TMEM63A: variants seen among roughly 807,000 people sequenced by gnomAD.
TMEM63A encodes mechanosensitive cation channel TMEM63A.
In TMEM63A, 76 loss-of-function variants were observed where a neutral mutation model predicts 100.6. The observed-to-expected ratio is 0.76, with a 90% confidence interval of 0.63 to 0.91. TMEM63A has a LOEUF of 0.91. Ranked by LOEUF, TMEM63A falls within the 40% of genes least tolerant of loss-of-function variation. The pLI, the probability that TMEM63A is intolerant of heterozygous loss-of-function variation, is 0.00. For synonymous variants in TMEM63A, 401 were observed against 401.1 expected, an observed-to-expected ratio of 1.00 and a Z score of 0.00; for missense variants, 876 against 1,008.8, an observed-to-expected ratio of 0.87 and a Z score of 1.78.
In TMEM63A at chr1:225,862,355, C is replaced by A. The variant is rs1357894159; in HGVS notation, c.952-4G>T. On this transcript the variant is annotated splice_region_variant and splice_polypyrimidine_tract_variant and intron_variant, in intron 12 of 24. Coordinates refer to ENST00000366835, the MANE Select transcript of TMEM63A (RefSeq NM_014698.3). This position sits in a 1 kb window ranked among gnomAD's most constrained non-coding sequence, Gnocchi z 5.1. The stretch of plus-strand genomic sequence containing the variant: ...TGTAGTAAGAGATGGCGTCTTCCTG[C>A]CACAAGACACATCCCATTGGGATGA... 1 of 1,614,092 alleles carries A rather than the reference C, an allele frequency of 6.2e-7. No individual in the cohort carries two copies. Among genetic ancestry groups the A allele is most frequent in the Non-Finnish European group, 8.5e-7 (1 of 1,180,046 alleles).
chr1:225,869,592 A>C (rs1391279072), intron 6 of TMEM63A, among the ~76,000 whole-genome samples: 1 of 151,824 alleles, frequency 6.6e-6, no homozygotes, highest in Admixed American at 6.6e-5. Context: ...TCATCCTTAT[A>C]ACCACCATAT....
chr1:225,862,548 G>A lies in TMEM63A; in HGVS notation c.858C>T (p.Tyr286=), dbSNP rs1576091765. The A allele has an allele frequency of 6.2e-7, 1 of 1,614,068 alleles. No homozygotes were observed. Among genetic ancestry groups the A allele is most frequent in the African/African-American group, 1.3e-5 (1 of 75,044 alleles). ...KKKTEKSLTY[Y]TNLQVKTGQR... ...GGCCTGTCTTCACCTGCAGGTTTGT[G>A]TAATAGGTCAGGCTCTTCTCAGTCT... The change falls in exon 12 of 25, where the codon TAC becomes TAT. Residue 286 remains tyrosine, a synonymous_variant. Transcript: ENST00000366835. The surrounding 1 kb of genome is among the most constrained non-coding windows in gnomAD (Gnocchi z 5.1).
Position 225,847,156 on chromosome 1 carries a change from G to T in TMEM63A, c.2308C>A (p.Gln770Lys). ...CCATAGGTCTGCTGCTGCTGCTGCT[G>T]CGGAGACAGTGCTGTCCTCTCCGAG... is the stretch of plus-strand genomic sequence containing the variant. ...LASERTALSP[Q>K]QQQQQTYGAI... The change falls in exon 24 of 25, where the codon CAG becomes AAG. Residue 770 changes from glutamine to lysine, a missense_variant. Gln to Lys is a moderately conservative substitution (Grantham distance 53). Around this residue, in one of 5 missense-constraint regions of TMEM63A, gnomAD observed 339 missense variants for 342.3 expected, o/e 0.99. Transcript: ENST00000366835. 1 of 1,613,466 alleles carries T rather than the reference G, an allele frequency of 6.2e-7. No homozygotes were observed. Among genetic ancestry groups the T allele is most frequent in the Non-Finnish European group, 8.5e-7 (1 of 1,180,016 alleles).
chr1:225,847,086 G>A lies in TMEM63A; in HGVS notation c.2378C>T (p.Ala793Val), dbSNP rs145042946. 3.2e-5 allele frequency: 51 copies of A among 1,613,578 alleles called. No individual in the cohort carries two copies. Among genetic ancestry groups the A allele is most frequent in the African/African-American group, 2.5e-4 (19 of 74,952 alleles). The change falls in exon 24 of 25, where the codon GCG becomes GTG. Residue 793 changes from alanine (A) to valine (V), a missense_variant. Physicochemically the swap from Ala to Val is moderately conservative, Grantham distance 64 (BLOSUM62 0). Transcript: ENST00000366835. The part of the protein sequence containing the change: ...ISGTIPGQCL[A>V]QSATGSVAAA... The stretch of plus-strand genomic sequence containing the variant: ...AGCCACACTGCCCGTGGCGCTCTGC[G>A]CCAAGCACTGTCCAGGGATAGTCCC...
At chr1:225,872,093 A>AT in intron 4 of TMEM63A, 40 bp from the exon 5 acceptor site, 2 of 1,440,070 alleles carry the variant, frequency 1.4e-6, no homozygotes, top group Non-Finnish European at 1.9e-6. Context: ...GATAATTCTT[A>AT]GAAAAAAAAA....
downstream of TMEM63A, chr1:225,844,726 C>T (rs1365236146): frequency 6.5e-7 from 1 of 1,542,668 alleles, no homozygotes; most frequent in Non-Finnish European, 8.7e-7. Context: ...ATAAGTATAG[C>T]CTTGCCTGCA....
rs1325743825 is a variant in TMEM63A at position 225,871,724 on chromosome 1, A to AT, written c.333+262dup. 1.1e-5 allele frequency: 5 copies of AT among 452,948 alleles called. No individual in the cohort carries two copies. In the East Asian group the frequency reaches 1.4e-4, roughly 13 times the overall value. The allele number at this position is 452,948 out of a possible 1,614,324, so 28.1% of individuals were successfully genotyped here. ...CCATAATTAACTGTCATACAAAGCC[A>AT]TAGGTGTAAGAGAGAGAAGTGCTGG... On this transcript the variant is annotated intron_variant, in intron 5 of 24. Transcript: ENST00000366835.
chr1:225,874,427 A>G (rs1670673865), intron 3 of TMEM63A, 60 bp from the exon 4 acceptor site: 2 of 1,492,584 alleles, frequency 1.3e-6, no homozygotes, highest in Non-Finnish European at 1.8e-6. Context: ...TAGAAGACAC[A>G]GCGGTCTCAG....
At position 225,845,668 on chromosome 1, in the gene TMEM63A, G is replaced by A; in HGVS notation, c.*1271C>T. On this transcript the variant is annotated 3_prime_UTR_variant, in exon 25 of 25. Coordinates refer to ENST00000366835, the MANE Select transcript of TMEM63A (RefSeq NM_014698.3). Reference sequence around the variant, plus strand: ...TTGCTGGCAGAGGCACGGGAGGCCTGCTGGGGATGAGGCCACTGGCCAGGG... The same window carrying A: ...TTGCTGGCAGAGGCACGGGAGGCCTACTGGGGATGAGGCCACTGGCCAGGG... The A allele has an allele frequency of 1.1e-5, 5 of 462,418 alleles. No homozygotes were observed. Among genetic ancestry groups the A allele is most frequent in the South Asian group, 6.3e-5 (3 of 47,408 alleles). The allele number at this position is 462,418 out of a possible 1,614,324, so 28.6% of individuals were successfully genotyped here.
intron 3 of TMEM63A, among the ~76,000 whole-genome samples, chr1:225,875,747 AC>A (rs1670763266): frequency 8.3e-5 from 10 of 120,734 alleles, no homozygotes; most frequent in Admixed American, 4.1e-4. Flanking sequence ...CCCCTCCCCC[AC>A]CCCCAAAACT....
Position 225,872,044 on chromosome 1 carries a change from T to C in TMEM63A, c.276A>G (p.Arg92=), listed in dbSNP as rs1474457550. 6.2e-7 allele frequency: 1 copy of C among 1,611,012 alleles called. No homozygotes were observed. The highest frequency in any genetic ancestry group is 1.3e-5 in the African/African-American group (1 of 74,374). ...ALVSEADSES[R]FQRLSSTSSS... is the part of the protein sequence containing the mutation. ...AGGAAGTCGATGACAATCTCTGAAA[T>C]CTGGACTCGCTAGAGACACAAAAAG... is the stretch of plus-strand genomic sequence containing the variant. Residue 92 remains arginine, a synonymous_variant, in exon 5 of 25, where the codon AGA becomes AGG. Coordinates refer to ENST00000366835, the MANE Select transcript of TMEM63A (RefSeq NM_014698.3).
rs966377922 is a variant in TMEM63A at position 225,857,129 on chromosome 1, C to T, written c.1378-112G>A. On this transcript the variant is annotated intron_variant, in intron 15 of 24. Transcript: ENST00000366835. ...GTGGACTCCCAGGGTAGGAGTTTGT[C>T]ATCTCTGACCCCAGAACCAAAACTG... The T allele has an allele frequency of 3.4e-6, 3 of 895,002 alleles. No homozygotes were observed. In the African/African-American group the frequency reaches 5.3e-5, roughly 16 times the overall value. 55.4% of individuals were successfully genotyped at this position (895,002 alleles called of 1,614,324 possible). A position where few individuals can be genotyped will look rare whatever the true frequency, so the allele number is the denominator to read the frequency against.
intron 14 of TMEM63A, chr1:225,860,272 C>A (rs1669873305): frequency 6.6e-6 from 1 of 152,556 alleles, no homozygotes; most frequent in African/African-American, 2.4e-5. Flanking sequence ...TGCCCTTACC[C>A]TCAGCACAGC....
In TMEM63A at chr1:225,856,858, C is replaced by A. The variant is rs1240701760; in HGVS notation, c.1484+53G>T. On this transcript the variant is annotated intron_variant, in intron 16 of 24. Coordinates refer to ENST00000366835, the MANE Select transcript of TMEM63A (RefSeq NM_014698.3). ...GGGGGTTAGGGTGTGGACAAGGGAGCGGTCAGAGATATCCTTCTTAGGGGC... is the reference window on the plus strand; with the variant it reads ...GGGGGTTAGGGTGTGGACAAGGGAGAGGTCAGAGATATCCTTCTTAGGGGC... 1.0e-5 allele frequency: 16 copies of A among 1,586,080 alleles called. 1 individual carries two copies. In the East Asian group the frequency reaches 1.3e-4, roughly 13 times the overall value.
In TMEM63A at chr1:225,862,342, T is replaced by C. The variant is rs1291921350; in HGVS notation, c.961A>G (p.Ile321Val). 1.2e-6 allele frequency: 2 copies of C among 1,614,182 alleles called. No homozygotes were observed. Among genetic ancestry groups the C allele is most frequent in the Admixed American group, 1.7e-5 (1 of 60,028 alleles). Residue 321 changes from isoleucine (I) to valine (V), a missense_variant, in exon 13 of 25, where the codon ATC becomes GTC. By Grantham distance (29) the Ile-to-Val change is conservative. Around this residue, in one of 5 missense-constraint regions of TMEM63A, gnomAD observed 487 missense variants for 581.9 expected, o/e 0.84. Transcript: ENST00000366835. The surrounding 1 kb of genome is among the most constrained non-coding windows in gnomAD (Gnocchi z 5.1). ...EVLGCEWEDAISYYTRMKDRL... is the reference protein window; with the variant it reads ...EVLGCEWEDAVSYYTRMKDRL... ...TCCTTCATCCGTGTGTAGTAAGAGATGGCGTCTTCCTGCCACAAGACACAT... is the reference window on the plus strand; with the variant it reads ...TCCTTCATCCGTGTGTAGTAAGAGACGGCGTCTTCCTGCCACAAGACACAT...
In TMEM63A at chr1:225,862,023, C is replaced by CA; in HGVS notation, c.1085+194dup. The CA allele has an allele frequency of 1.2e-6, 1 of 854,172 alleles. No homozygotes were observed. Among genetic ancestry groups the CA allele is most frequent in the Non-Finnish European group, 1.8e-6 (1 of 566,712 alleles). The allele number at this position is 854,172 out of a possible 1,614,324, so 52.9% of individuals were successfully genotyped here. A position where few individuals can be genotyped will look rare whatever the true frequency, so the allele number is the denominator to read the frequency against. ...ACTCCGTGGCTGCTGCCCACACCCC[C>CA]ACCGCCTGTTACACAAACATGGGCT... On this transcript the variant is annotated intron_variant, in intron 13 of 24. Coordinates refer to ENST00000366835, the MANE Select transcript of TMEM63A (RefSeq NM_014698.3). The surrounding 1 kb of genome is among the most constrained non-coding windows in gnomAD (Gnocchi z 5.1).
At position 225,867,114 on chromosome 1, in the gene TMEM63A, A is replaced by C. The variant is rs1576100595; in HGVS notation, c.564T>G (p.Thr188=). Residue 188 remains threonine (T), a splice_region_variant and synonymous_variant, in exon 8 of 25, where the codon ACT becomes ACG. Coordinates refer to ENST00000366835, the MANE Select transcript of TMEM63A (RefSeq NM_014698.3). This position sits in a 1 kb window ranked among gnomAD's most constrained non-coding sequence, Gnocchi z 4.6. ...ATCCCCACGGGCTCCATACTCACTC[A>C]GTCTGTAGGTTTGCTATTGTTGTCC... The part of the protein sequence containing the change: ...FGRTTIANLQ[T]DNDLLWLHTI... 6.2e-7 allele frequency: 1 copy of C among 1,614,034 alleles called. No homozygotes were observed. Among genetic ancestry groups the C allele is most frequent in the Non-Finnish European group, 8.5e-7 (1 of 1,180,012 alleles).
At position 225,872,069 on chromosome 1, in the gene TMEM63A, G is replaced by C; in HGVS notation, c.267-16C>G. The C allele has an allele frequency of 7.0e-7, 1 of 1,421,728 alleles. No homozygotes were observed. The allele number at this position is 1,421,728 out of a possible 1,614,324, so 88.1% of individuals were successfully genotyped here. ...TCTGGACTCGCTAGAGACACAAAAA[G>C]AAAAAAAATGACAGATAATTCTTAG... On this transcript the variant is annotated splice_polypyrimidine_tract_variant and intron_variant, in intron 4 of 24. Coordinates refer to ENST00000366835, the MANE Select transcript of TMEM63A (RefSeq NM_014698.3).
chr1:225,848,685 G>T, intron 22 of TMEM63A, 131 bp from the exon 23 acceptor site: 1 of 1,035,682 alleles, frequency 9.7e-7, no homozygotes, highest in Non-Finnish European at 1.4e-6. Context: ...AGCAGCCCGA[G>T]AGAGGATGGG....
Sources: gnomAD v4.1 joint callset for allele counts (sites outside exome capture counted in the v4.1 genomes callset) on GRCh38, gnomAD v4.1.1 for gene constraint, gnomAD v4.1.1 regional missense constraint, Gnocchi (gnomAD v3.1) non-coding constraint, MANE v1.5 for transcripts, NCBI Gene and HGNC (gene_info 2026-07-23, HGNC 2026-07-21) for gene names.